TYW1B: variants seen among roughly 807,000 people sequenced by gnomAD.
TYW1B encodes tRNA-yW synthesizing protein 1 homolog B, also known as S-adenosyl-L-methionine-dependent tRNA 4-demethylwyosine synthase TYW1B.
A neutral mutation model predicts 86.9 loss-of-function variants in TYW1B; 73 were observed. The ratio of observed to expected loss-of-function variants is 0.84; its 90% CI spans 0.70 to 1.02. The LOEUF is 1.02. Ranked by LOEUF, TYW1B falls within the 50% of genes least tolerant of loss-of-function variation. The probability of loss-of-function intolerance (pLI) is 0.00; values close to 1 mark genes in which losing one functional copy is unlikely to be tolerated. For missense variants in TYW1B, 637 were observed against 827.4 expected, an observed-to-expected ratio of 0.77 and a Z score of 2.82; for synonymous variants, 248 against 292.8, an observed-to-expected ratio of 0.85 and a Z score of 1.56.
intron 7 of TYW1B, among the ~76,000 whole-genome samples, chr7:72,757,984 G>A (rs1256441830): frequency 4.6e-5 from 7 of 152,160 alleles, no homozygotes; most frequent in African/African-American, 9.7e-5. Flanking sequence ...TTGGGCAGCC[G>A]AGGTGGGCAG....
chr7:72,698,614 C>G (rs1422440269), intron 10 of TYW1B, among the ~76,000 whole-genome samples: 2 of 149,762 alleles, frequency 1.3e-5, no homozygotes, highest in Non-Finnish European at 3.0e-5. Context: ...CCACTGTACT[C>G]CAGCCTGGGC....
At chr7:72,575,757 C>T (rs1554428352) in intron 13 of TYW1B, 38 bp from the exon 14 acceptor site, 10 of 1,575,098 alleles carry the variant, frequency 6.3e-6, no homozygotes, top group Non-Finnish European at 8.6e-6. Flanking sequence ...GAAGTAAAAA[C>T]ATCCCTAGAA....
chr7:72,710,544 G>A (rs1394665318), intron 10 of TYW1B, among the ~76,000 whole-genome samples: 18 of 152,234 alleles, frequency 1.2e-4, no homozygotes, highest in African/African-American at 4.3e-4. Flanking sequence ...TTAAATTTCA[G>A]CCTGGGCTCG....
At chr7:72,725,398 A>T (rs1222470241) in intron 9 of TYW1B, among the ~76,000 whole-genome samples, 1 of 152,322 alleles carries the variant, frequency 6.6e-6, no homozygotes, top group Admixed American at 6.5e-5. Flanking sequence ...ATCCTCAGTC[A>T]TCGTCCCATT....
At chr7:72,587,963 ATCT>A (rs1554430759) in intron 13 of TYW1B, among the ~76,000 whole-genome samples, 4 of 152,162 alleles carry the variant, frequency 2.6e-5, no homozygotes, top group Non-Finnish European at 4.4e-5. Flanking sequence ...TTACAGTGGT[ATCT>A]TTTGAACTTC....
At chr7:72,703,171 C>T (rs1401002290) in intron 10 of TYW1B, among the ~76,000 whole-genome samples, 1 of 151,290 alleles carries the variant, frequency 6.6e-6, no homozygotes, top group African/African-American at 2.4e-5. Context: ...ACTACAGGCG[C>T]CCACCACTGC....
chr7:72,672,461 C>T (rs1554446515), intron 11 of TYW1B, among the ~76,000 whole-genome samples: 1 of 106,176 alleles, frequency 9.4e-6, no homozygotes, highest in East Asian at 2.7e-4. Flanking sequence ...TTTATTTGGG[C>T]ATACACACAC....
intron 10 of TYW1B, among the ~76,000 whole-genome samples, chr7:72,696,155 T>C (rs1298279425): frequency 1.3e-5 from 2 of 151,786 alleles, no homozygotes; most frequent in Non-Finnish European, 2.9e-5. Context: ...ACTATGTTGA[T>C]CAGGCTGGTC....
rs782091047 is a variant in TYW1B at position 72,713,663 on chromosome 7, G to A, written c.1328C>T (p.Ser443Phe). ...FLKLLHQCKISSFLVTNAQFP... is the reference protein window; with the variant it reads ...FLKLLHQCKIFSFLVTNAQFP... ...TTGTGCATTTGTGACCAGGAAGCTG[G>A]AGATTTTACACTGGTGGAGTAGCTT... Residue 443 changes from serine to phenylalanine, a missense_variant, in exon 10 of 14, where the codon TCC (serine) becomes TTC (phenylalanine). Ser to Phe is a radical substitution (Grantham distance 155, BLOSUM62 -2). Coordinates refer to ENST00000620995, the MANE Select transcript of TYW1B (RefSeq NM_001145440.3). The A allele has an allele frequency of 4.3e-6, 7 of 1,614,098 alleles. No individual in the cohort carries two copies. The East Asian group carries it at 1.1e-4, about 26-fold the overall frequency.
At chr7:72,633,580 A>G (rs1477999656) in intron 11 of TYW1B, among the ~76,000 whole-genome samples, 1 of 151,926 alleles carries the variant, frequency 6.6e-6, no homozygotes, top group Non-Finnish European at 1.5e-5. Flanking sequence ...GTGAATATCC[A>G]CTCCCTTCAC....
chr7:72,603,933 T>C (rs1811736597), intron 13 of TYW1B, among the ~76,000 whole-genome samples: 2 of 152,048 alleles, frequency 1.3e-5, no homozygotes, highest in South Asian at 4.2e-4. Context: ...CAACTAAATG[T>C]AATGGGATCC....
chr7:72,764,953 A>T (rs372115317), intron 7 of TYW1B, among the ~76,000 whole-genome samples: 1 of 152,176 alleles, frequency 6.6e-6, no homozygotes, highest in Non-Finnish European at 1.5e-5. Context: ...TTTCCTTCCT[A>T]TTGGATTCCT....
intron 7 of TYW1B, among the ~76,000 whole-genome samples, chr7:72,769,727 C>G (rs1554469187): frequency 6.6e-6 from 1 of 152,184 alleles, no homozygotes; most frequent in East Asian, 1.9e-4. Flanking sequence ...TCAGTCTGAA[C>G]AAAGATGTGA....
At chr7:72,669,134 C>CTTTTT (rs781821639) in intron 11 of TYW1B, among the ~76,000 whole-genome samples, 18 of 81,552 alleles carry the variant, frequency 2.2e-4, no homozygotes, top group Admixed American at 4.0e-4. Flanking sequence ...TAATTTTAAA[C>CTTTTT]TTTTTTTTTT....
At chr7:72,697,987 G>A (rs1444911740) in intron 10 of TYW1B, 1 of 154,030 alleles carries the variant, frequency 6.5e-6, no homozygotes, top group African/African-American at 2.4e-5. Context: ...GAAAAAAAAG[G>A]AGAGAGATTT....
intron 10 of TYW1B, among the ~76,000 whole-genome samples, chr7:72,703,026 A>ATTTTTT (rs1166122885): frequency 2.8e-5 from 1 of 35,206 alleles, no homozygotes; most frequent in African/African-American, 1.2e-4. Context: ...ATATATATAT[A>ATTTTTT]TTTTTTTTTT....
intron 13 of TYW1B, among the ~76,000 whole-genome samples, chr7:72,598,720 G>A (rs1170339615): frequency 6.6e-6 from 1 of 152,174 alleles, no homozygotes; most frequent in Non-Finnish European, 1.5e-5. Context: ...AGTTAAACTA[G>A]GTTAATTTTG....
intron 11 of TYW1B, among the ~76,000 whole-genome samples, chr7:72,641,001 A>G (rs1320993114): frequency 4.6e-5 from 7 of 152,152 alleles, no homozygotes; most frequent in African/African-American, 1.7e-4. Flanking sequence ...CTATGAAAAG[A>G]TCAACTAAAT....
intron 11 of TYW1B, among the ~76,000 whole-genome samples, chr7:72,675,542 TATATATATATATATACACAC>T (rs1334580161): frequency 2.4e-5 from 3 of 125,864 alleles, no homozygotes; most frequent in Non-Finnish European, 4.7e-5. Flanking sequence ...GATGTCAGTA[TATATATATATATATACACAC>T]ATATATATAT....
Sources: gnomAD v4.1 joint callset for allele counts (sites outside exome capture counted in the v4.1 genomes callset) on GRCh38, gnomAD v4.1.1 for gene constraint, MANE v1.5 for transcripts, NCBI Gene and HGNC (gene_info 2026-07-23, HGNC 2026-07-21) for gene names.